MMP26: variants seen among roughly 807,000 people sequenced by gnomAD.
MMP26 encodes the protein matrix metalloproteinase-26.
In MMP26, 33 loss-of-function variants were observed where a neutral mutation model predicts 31.0. The ratio of observed to expected loss-of-function variants is 1.06; its 90% CI spans 0.81 to 1.42. The LOEUF is 1.42. Among genes scored for constraint, MMP26 ranks in the 40% most tolerant of loss-of-function variants. The pLI is 0.00. For synonymous variants in MMP26, 122 were observed against 114.9 expected, an observed-to-expected ratio of 1.06 and a Z score of -0.40; for missense variants, 347 against 316.1, an observed-to-expected ratio of 1.10 and a Z score of -0.74.
chr11:4,714,934 A>C (rs1454927528), intron 1 of MMP26, among the ~76,000 whole-genome samples: 1 of 151,584 alleles, frequency 6.6e-6, no homozygotes, highest in Admixed American at 6.6e-5. Context: ...ACACACACAC[A>C]CACACACACA....
rs201626472 is a variant in MMP26 at position 4,942,089 on chromosome 11, C to CAAAAAAAAAAAAAAAAAAAAAAAAAAAAA, written c.-144-45958_-144-45957insAAAAAAAAAAAAAAAAAAAAAAAAAAAAA. ...TGGGCAGCAGAATGAGAGTCCATCT[C>CAAAAAAAAAAAAAAAAAAAAAAAAAAAAA]AAAAAAAAAAAAAAAAAAAAAGGAA... On this transcript the variant is annotated intron_variant, in intron 2 of 7. Coordinates refer to ENST00000380390, the MANE Select transcript of MMP26 (RefSeq NM_021801.5). Among the ~76,000 whole-genome samples the CAAAAAAAAAAAAAAAAAAAAAAAAAAAAA allele has an allele frequency of 1.2e-3, 46 of 37,118 alleles. 2 individuals carry two copies. Among genetic ancestry groups the CAAAAAAAAAAAAAAAAAAAAAAAAAAAAA allele is most frequent in the Middle Eastern group, 0.012 (1 of 86 alleles). The allele number at this position is 37,118 out of a possible 152,430, so 24.4% of individuals were successfully genotyped here. A position where few individuals can be genotyped will look rare whatever the true frequency, so the allele number is the denominator to read the frequency against.
chr11:4,785,833 C>T (rs771679794), intron 2 of MMP26, among the ~76,000 whole-genome samples: 14 of 152,058 alleles, frequency 9.2e-5, no homozygotes, highest in Non-Finnish European at 1.8e-4. Flanking sequence ...GATATGTTTT[C>T]GCTATGTTTT....
intron 2 of MMP26, among the ~76,000 whole-genome samples, chr11:4,891,102 T>A (rs1223211431): frequency 6.6e-6 from 1 of 151,816 alleles, no homozygotes; most frequent in Non-Finnish European, 1.5e-5. Context: ...TTTCTCCAAT[T>A]TCTAGTCATT....
chr11:4,772,894 A>G (rs916067398), intron 2 of MMP26, among the ~76,000 whole-genome samples: 5 of 152,118 alleles, frequency 3.3e-5, no homozygotes, highest in Non-Finnish European at 5.9e-5. Context: ...CTACTCTGCT[A>G]TTACTCCTGT....
intron 2 of MMP26, chr11:4,863,786 T>C (rs762202261): frequency 3.3e-5 from 5 of 152,214 alleles, no homozygotes; most frequent in Admixed American, 6.6e-5. Flanking sequence ...CGGTGTTATG[T>C]AGTGCCACTT....
chr11:4,784,571 A>G (rs898722906), intron 2 of MMP26, among the ~76,000 whole-genome samples: 11 of 152,242 alleles, frequency 7.2e-5, no homozygotes, highest in African/African-American at 2.4e-4. Context: ...AGCTGAGATT[A>G]GCATCATGTA....
At chr11:4,768,248 C>T (rs1417678071) in intron 2 of MMP26, among the ~76,000 whole-genome samples, 1 of 152,194 alleles carries the variant, frequency 6.6e-6, no homozygotes, top group Non-Finnish European at 1.5e-5. Context: ...TTCCCATTCC[C>T]TGTGATAAAT....
At chr11:4,812,768 G>C (rs917142237) in intron 2 of MMP26, among the ~76,000 whole-genome samples, 8 of 152,156 alleles carry the variant, frequency 5.3e-5, no homozygotes, top group African/African-American at 1.9e-4. Context: ...GACCTGTGAA[G>C]ACAGGCTGTT....
intron 2 of MMP26, chr11:4,769,753 C>T (rs946566541): frequency 6.2e-7 from 1 of 1,613,978 alleles, no homozygotes; most frequent in Non-Finnish European, 8.5e-7. Flanking sequence ...CATGGAGACT[C>T]TGCTGGGTAA....
intron 1 of MMP26, among the ~76,000 whole-genome samples, chr11:4,721,535 C>T (rs1848013578): frequency 6.6e-6 from 1 of 152,174 alleles, no homozygotes; most frequent in African/African-American, 2.4e-5. Context: ...AGCTTACTGG[C>T]TTTCAAGGAC....
chr11:4,706,276 T>A (rs1847775668), intron 1 of MMP26, among the ~76,000 whole-genome samples: 1 of 152,158 alleles, frequency 6.6e-6, no homozygotes, highest in Admixed American at 6.5e-5. Context: ...CTATTCTATT[T>A]ATTTTTATTG....
Position 4,907,922 on chromosome 11 carries a change from A to C in MMP26, c.-144-80146A>C, listed in dbSNP as rs748878644. 1.9e-6 allele frequency: 3 copies of C among 1,614,048 alleles called. No individual in the cohort carries two copies. In the Admixed American group the frequency reaches 5.0e-5, roughly 27 times the overall value. ...CTCATACTGTCTTCATCAGGATACC[A>C]TGAAGCTGGCCTGCTCTGACAACAA... On this transcript the variant is annotated intron_variant, in intron 2 of 7. Transcript: ENST00000380390.
intron 2 of MMP26, chr11:4,794,793 C>G (rs906631725): frequency 2.6e-5 from 4 of 152,114 alleles, no homozygotes; most frequent in African/African-American, 9.7e-5. Context: ...TCCTGTTCTT[C>G]CATAGTTTGC....
At chr11:4,786,148 C>T (rs1442320335) in intron 2 of MMP26, among the ~76,000 whole-genome samples, 2 of 151,980 alleles carry the variant, frequency 1.3e-5, no homozygotes, top group Non-Finnish European at 2.9e-5. Flanking sequence ...ACTGCAGGAC[C>T]CTGGAGTAGG....
intron 2 of MMP26, among the ~76,000 whole-genome samples, chr11:4,851,947 A>G (rs1849981624): frequency 1.3e-5 from 2 of 152,128 alleles, no homozygotes; most frequent in Non-Finnish European, 2.9e-5. Context: ...AATTTCAACC[A>G]TATCAATAAT....
intron 2 of MMP26, chr11:4,923,981 A>G (rs145021456): frequency 1.9e-6 from 3 of 1,614,186 alleles, no homozygotes; most frequent in Non-Finnish European, 2.5e-6. Flanking sequence ...GTCAATGGAC[A>G]TGGATAACAG....
intron 2 of MMP26, among the ~76,000 whole-genome samples, chr11:4,885,119 A>G (rs531933598): frequency 6.6e-6 from 1 of 152,274 alleles, no homozygotes; most frequent in South Asian, 2.1e-4. Flanking sequence ...AAAAATTTCA[A>G]CAATATACTC....
At chr11:4,719,325 A>G (rs963164736) in intron 1 of MMP26, 1 of 153,462 alleles carries the variant, frequency 6.5e-6, no homozygotes, top group African/African-American at 2.4e-5. Flanking sequence ...AAAGGAAGAA[A>G]GCCTTCAGCA....
intron 2 of MMP26, among the ~76,000 whole-genome samples, chr11:4,774,664 G>A (rs2133426262): frequency 6.6e-6 from 1 of 152,040 alleles, no homozygotes; most frequent in South Asian, 2.1e-4. Flanking sequence ...TTCCTTTGTT[G>A]CAATTGCTTT....
Sources: allele counts gnomAD v4.1 joint callset (sites outside exome capture counted in the v4.1 genomes callset), GRCh38; gene constraint gnomAD v4.1.1; transcripts MANE v1.5; gene names NCBI Gene and HGNC (gene_info 2026-07-23, HGNC 2026-07-21).